FANCB: variants seen among roughly 807,000 people sequenced by gnomAD.
The protein encoded by FANCB is FA complementation group B.
A neutral mutation model predicts 38.9 loss-of-function variants in FANCB; 5 were observed. The ratio of observed to expected loss-of-function variants is 0.13; its 90% CI spans 0.07 to 0.27. The LOEUF (loss-of-function observed/expected upper bound fraction) is 0.27, where lower values mean the gene tolerates loss of function less well. FANCB is among the 10% of genes least tolerant of loss of function. The probability of loss-of-function intolerance (pLI) is 1.00; values close to 1 mark genes in which losing one functional copy is unlikely to be tolerated. For missense variants in FANCB, 573 were observed against 602.7 expected, an observed-to-expected ratio of 0.95 and a Z score of 0.52; for synonymous variants, 236 against 215.4, an observed-to-expected ratio of 1.10 and a Z score of -0.84.
At chrX:14,791,505 T>C in the FANCB span, among the ~76,000 whole-genome samples, 1 of 111,959 alleles carries the variant, frequency 8.9e-6, no homozygotes, top group African/African-American at 3.2e-5. Flanking sequence ...GTCACTCCGT[T>C]TGTGGTACTT....
At chrX:14,717,799 G>C in the FANCB span, among the ~76,000 whole-genome samples, 2 of 107,940 alleles carry the variant, frequency 1.9e-5, no homozygotes, top group African/African-American at 6.7e-5. Context: ...AATTTTTTGA[G>C]CACGCATTAG....
chrX:14,724,176 A>C, the FANCB span, among the ~76,000 whole-genome samples: 1 of 111,711 alleles, frequency 9.0e-6, no homozygotes, highest in Middle Eastern at 4.6e-3. Flanking sequence ...ATATGTATAA[A>C]TATGTTTGTG....
At chrX:14,700,659 A>G in the FANCB span, among the ~76,000 whole-genome samples, 2 of 111,278 alleles carry the variant, frequency 1.8e-5, no homozygotes, top group Non-Finnish European at 3.8e-5. Context: ...CAGACACAAG[A>G]TTTTAGGCAG....
intron 3 of FANCB, among the ~76,000 whole-genome samples, chrX:14,860,199 G>A (rs1246790587): frequency 8.9e-6 from 1 of 111,869 alleles, no homozygotes; most frequent in Admixed American, 9.5e-5. Context: ...AATTCCAGCA[G>A]CACAGATACA....
At chrX:14,860,218 A>G (rs2092440864) in intron 3 of FANCB, among the ~76,000 whole-genome samples, 1 of 111,929 alleles carries the variant, frequency 8.9e-6, no homozygotes, top group Non-Finnish European at 1.9e-5. Context: ...CATCATCTAG[A>G]TGATACAGGA....
chrX:14,843,715 G>C lies in FANCB; in HGVS notation c.2432C>G (p.Pro811Arg). The C allele has an allele frequency of 1.7e-6, 2 of 1,210,650 alleles. No homozygotes were observed. The highest frequency in any genetic ancestry group is 2.2e-6 in the Non-Finnish European group (2 of 894,981). The change falls in exon 10 of 10, where the codon CCC becomes CGC. Residue 811 changes from proline to arginine, a missense_variant. Transcript: ENST00000650831. ...ALSDRRENIH[P>R]YRKELQREKK... is the part of the protein sequence containing the mutation. ...TTCTCTCTGAAGTTCTTTTCTGTAG[G>C]GATGGATATTTTCCCTTCTGTCTGA...
At chrX:14,793,892 G>C in the FANCB span, among the ~76,000 whole-genome samples, 2 of 111,694 alleles carry the variant, frequency 1.8e-5, no homozygotes, top group Non-Finnish European at 3.8e-5. Context: ...GAAGGAGATG[G>C]AATGGGAAGT....
At chrX:14,710,141 A>G in the FANCB span, among the ~76,000 whole-genome samples, 2 of 111,821 alleles carry the variant, frequency 1.8e-5, no homozygotes, top group East Asian at 5.6e-4. Flanking sequence ...AGTTGGCAGG[A>G]AGACATCGAG....
chrX:14,793,162 C>T, the FANCB span, among the ~76,000 whole-genome samples: 1 of 111,988 alleles, frequency 8.9e-6, no homozygotes, highest in Non-Finnish European at 1.9e-5. Context: ...AAATTTCTCA[C>T]TGATATGTAA....
the FANCB span, among the ~76,000 whole-genome samples, chrX:14,747,204 G>C: frequency 8.9e-6 from 1 of 112,318 alleles, no homozygotes; most frequent in African/African-American, 3.2e-5. Flanking sequence ...GTTTTCTACG[G>C]AGAAAAATGT....
chrX:14,737,400 C>T, the FANCB span, among the ~76,000 whole-genome samples: 2 of 111,795 alleles, frequency 1.8e-5, no homozygotes, highest in African/African-American at 6.5e-5. Flanking sequence ...ATGTTTACGG[C>T]CTTTTAAACC....
downstream of FANCB, among the ~76,000 whole-genome samples, chrX:14,831,139 C>A (rs2092326609): frequency 8.9e-6 from 1 of 111,879 alleles, no homozygotes; most frequent in African/African-American, 3.2e-5. Context: ...AAAGACTAGC[C>A]CCTTACTTTC....
rs1280918825 is a variant in FANCB at position 14,869,032 on chromosome X, G to A, written c.-180C>T. On this transcript the variant is annotated 5_prime_UTR_variant, in exon 2 of 10. Transcript: ENST00000650831. ...GGTAGGTAAATCAAAGGTCTGGCTTGTACTTATGAAACTATGGTTTAGAGA... is the reference window on the plus strand; with the variant it reads ...GGTAGGTAAATCAAAGGTCTGGCTTATACTTATGAAACTATGGTTTAGAGA... 1 of 111,467 alleles carries A rather than the reference G, an allele frequency of 9.0e-6. No individual in the cohort carries two copies. The highest frequency in any genetic ancestry group is 2.8e-4 in the East Asian group (1 of 3,564). The allele number at this position is 111,467 out of a possible 1,213,427, so 9.2% of individuals were successfully genotyped here. A position where few individuals can be genotyped will look rare whatever the true frequency, so the allele number is the denominator to read the frequency against.
the FANCB span, among the ~76,000 whole-genome samples, chrX:14,815,378 A>C: frequency 9.0e-6 from 1 of 111,703 alleles, no homozygotes; most frequent in South Asian, 3.7e-4. Context: ...AAAGGTAAAA[A>C]AAAAAAGAAA....
chrX:14,763,237 C>T, the FANCB span, among the ~76,000 whole-genome samples: 2 of 112,089 alleles, frequency 1.8e-5, no homozygotes, highest in South Asian at 7.4e-4. Context: ...AGGATGTTCA[C>T]AGCAACACTA....
the FANCB span, among the ~76,000 whole-genome samples, chrX:14,826,024 G>A: frequency 2.7e-5 from 3 of 111,941 alleles, no homozygotes; most frequent in African/African-American, 9.7e-5. Context: ...ACTTCATTCA[G>A]TTTCAAAACT....
intron 7 of FANCB, among the ~76,000 whole-genome samples, chrX:14,847,204 G>T (rs1390067187): frequency 9.1e-6 from 1 of 110,373 alleles, no homozygotes; most frequent in Non-Finnish European, 1.9e-5. Context: ...TATTCTCCTT[G>T]TATGTTTCAA....
the FANCB span, chrX:14,730,632 T>G: frequency 2.3e-6 from 1 of 442,961 alleles, no homozygotes. Flanking sequence ...GGCACCTACA[T>G]GAAAAAAAAG....
chrX:14,799,432 C>T, the FANCB span, among the ~76,000 whole-genome samples: 2 of 112,181 alleles, frequency 1.8e-5, no homozygotes, highest in Non-Finnish European at 3.8e-5. Flanking sequence ...AGATACAGAT[C>T]TGTATGTATT....
Sources: gnomAD v4.1 joint callset for allele counts (sites outside exome capture counted in the v4.1 genomes callset) on GRCh38, gnomAD v4.1.1 for gene constraint, MANE v1.5 for transcripts, NCBI Gene and HGNC (gene_info 2026-07-23, HGNC 2026-07-21) for gene names.